Variants in HIPK2 observed in about 807,000 individuals in gnomAD.
HIPK2 encodes the protein homeodomain interacting protein kinase 2.
A neutral mutation model predicts 113.7 loss-of-function variants in HIPK2; 27 were observed. That is an observed-to-expected ratio of 0.24 (90% CI 0.17 to 0.33). The LOEUF is 0.33. Ranked by LOEUF, HIPK2 falls within the 10% of genes least tolerant of loss-of-function variation. The probability of loss-of-function intolerance (pLI) is 1.00; values close to 1 mark genes in which losing one functional copy is unlikely to be tolerated. For synonymous variants in HIPK2, 631 were observed against 642.2 expected (o/e 0.98, Z 0.26); for missense variants, 1,257 against 1,588.0 (o/e 0.79, Z 3.54).
At chr7:139,745,411 C>G (rs970533851) in intron 1 of HIPK2, among the ~76,000 whole-genome samples, 12 of 152,150 alleles carry the variant, frequency 7.9e-5, no homozygotes, top group African/African-American at 2.9e-4. Flanking sequence ...CTATCCTCCC[C>G]CCGAGTCTAA....
chr7:139,600,551 C>G lies in HIPK2; in HGVS notation c.2301G>C (p.Gln767His). 1 of 1,614,020 alleles carries G rather than the reference C, an allele frequency of 6.2e-7. No homozygotes were observed. The highest frequency in any genetic ancestry group is 1.7e-5 in the Admixed American group (1 of 60,024). ...HGSHYNPIMQ[Q>H]PALLTGHVTL... is the part of the protein sequence containing the mutation. ...TCACATGACCGGTCAATAGTGCAGG[C>G]TGCTGCATGATGGGATTATAATGGC... Residue 767 changes from glutamine to histidine, a missense_variant, in exon 11 of 15, where the codon CAG becomes CAC. By Grantham distance (24) the Gln-to-His change is conservative. Transcript: ENST00000406875.
chr7:139,586,400 G>A (rs1057496859), intron 12 of HIPK2, among the ~76,000 whole-genome samples: 4 of 152,104 alleles, frequency 2.6e-5, no homozygotes, highest in Admixed American at 6.5e-5. Context: ...AGGTAGAAAC[G>A]ACCCGAGTGT....
chr7:139,596,841 T>G lies in HIPK2; in HGVS notation c.2593A>C (p.Ser865Arg), dbSNP rs1404021743. Residue 865 changes from serine (S) to arginine (R), a missense_variant, in exon 12 of 15, where the codon AGC (serine) becomes CGC (arginine). Physicochemically the swap from Ser to Arg is moderately radical, Grantham distance 110. Around this residue, in one of 5 missense-constraint regions of HIPK2, gnomAD observed 862 missense variants for 1,004.3 expected, o/e 0.86. Transcript: ENST00000406875. ...TGCCGCTGCCGTTCCCGGGTGGTGC[T>G]GGAGGCCACGTCGCCCCACCCACAG... ...VTCGWGDVAS[S>R]TTRERQRQTI... 1 of 1,613,948 alleles carries G rather than the reference T, an allele frequency of 6.2e-7. No homozygotes were observed. The highest frequency in any genetic ancestry group is 8.5e-7 in the Non-Finnish European group (1 of 1,179,876).
intron 2 of HIPK2, among the ~76,000 whole-genome samples, chr7:139,697,436 G>A (rs1308070892): frequency 6.6e-5 from 10 of 152,174 alleles, no homozygotes; most frequent in Non-Finnish European, 1.0e-4. Flanking sequence ...CTATGGCGAC[G>A]ACACAAACAC....
rs1000505812 is a variant in HIPK2, at chr7:139,564,871, C to T, written c.*8056G>A. ...GTGACTGTTTTGATAGCTTAGAAGG[C>T]TAACAGCATTTTACAGTAGCTAAAA... On this transcript the variant is annotated 3_prime_UTR_variant, in exon 15 of 15. Transcript: ENST00000406875. 4.6e-5 allele frequency: 7 copies of T among 152,154 alleles called. No homozygotes were observed. Among genetic ancestry groups the T allele is most frequent in the African/African-American group, 1.7e-4 (7 of 41,430 alleles). The allele number at this position is 152,154 out of a possible 1,614,324, so 9.4% of individuals were successfully genotyped here.
In HIPK2 at chr7:139,771,087, C is replaced by A. The variant is rs1444407855; in HGVS notation, c.19+6518G>T. 2.6e-5 allele frequency among the ~76,000 whole-genome samples: 4 copies of A among 152,230 alleles called. No individual in the cohort carries two copies. The South Asian group carries it at 8.3e-4, about 32-fold the overall frequency. ...AGAGGGAGGACTACCCTCTGAAAGT[C>A]TGACTTGTAACCACTCTCATAAACA... On this transcript the variant is annotated intron_variant, in intron 1 of 14. Transcript: ENST00000406875.
At chr7:139,627,301 T>TGTAA (rs1198743465) in intron 5 of HIPK2, among the ~76,000 whole-genome samples, 6 of 147,842 alleles carry the variant, frequency 4.1e-5, no homozygotes, top group Non-Finnish European at 7.4e-5. Flanking sequence ...AAAAAGTCTA[T>TGTAA]GTATGTATGT....
At chr7:139,765,095 C>A (rs1205102477) in intron 1 of HIPK2, among the ~76,000 whole-genome samples, 1 of 150,768 alleles carries the variant, frequency 6.6e-6, no homozygotes, top group Non-Finnish European at 1.5e-5. Flanking sequence ...GAGATCATGC[C>A]ACTACACTCC....
At chr7:139,614,979 A>G (rs1799984225) in intron 7 of HIPK2, among the ~76,000 whole-genome samples, 1 of 152,152 alleles carries the variant, frequency 6.6e-6, no homozygotes, top group Non-Finnish European at 1.5e-5. Context: ...CTCTCTGCCC[A>G]AGCCCCATTC....
chr7:139,656,398 C>A (rs868258594), intron 2 of HIPK2, among the ~76,000 whole-genome samples: 1 of 152,190 alleles, frequency 6.6e-6, no homozygotes, highest in African/African-American at 2.4e-5. Flanking sequence ...TTGCTTATCA[C>A]GTTTACCTTT....
rs757508058 is a variant in HIPK2 at position 139,715,985 on chromosome 7, G to A, written c.1050C>T (p.Ala350=). Residue 350 remains alanine, a synonymous_variant, in exon 2 of 15, where the codon GCC becomes GCT. Transcript: ENST00000406875. The part of the protein sequence containing the change: ...YRVKVIDFGS[A]SHVSKAVCST... The stretch of plus-strand genomic sequence containing the variant: ...AGCACACAGCCTTGGAGACGTGGCT[G>A]GCTGAACCAAAGTCGATGACCTTGA... 1.2e-6 allele frequency: 2 copies of A among 1,614,144 alleles called. No homozygotes were observed. Among genetic ancestry groups the A allele is most frequent in the Non-Finnish European group, 1.7e-6 (2 of 1,180,024 alleles).
intron 1 of HIPK2, among the ~76,000 whole-genome samples, chr7:139,773,462 G>A (rs1482954617): frequency 1.3e-5 from 2 of 152,056 alleles, no homozygotes; most frequent in Admixed American, 6.5e-5. Context: ...CAAAGTCCTT[G>A]AATTGTCATC....
intron 1 of HIPK2, among the ~76,000 whole-genome samples, chr7:139,748,930 C>T (rs561800924): frequency 2.0e-4 from 31 of 152,268 alleles, no homozygotes; most frequent in Middle Eastern, 3.4e-3. Context: ...CAGCTGGTGA[C>T]CCCAGGCAGA....
intron 9 of HIPK2, among the ~76,000 whole-genome samples, chr7:139,607,649 A>G (rs1194016424): frequency 6.6e-6 from 1 of 152,178 alleles, no homozygotes; most frequent in African/African-American, 2.4e-5. Flanking sequence ...ACAGTATATT[A>G]TAAGGCTCAA....
At chr7:139,691,252 G>A (rs919822539) in intron 2 of HIPK2, among the ~76,000 whole-genome samples, 1 of 152,158 alleles carries the variant, frequency 6.6e-6, no homozygotes, top group Non-Finnish European at 1.5e-5. Flanking sequence ...AGTTTCGATT[G>A]TGCAAACATC....
intron 2 of HIPK2, among the ~76,000 whole-genome samples, chr7:139,643,034 C>A (rs1026136014): frequency 6.6e-6 from 1 of 152,154 alleles, no homozygotes; most frequent in African/African-American, 2.4e-5. Context: ...ACCACTGTTG[C>A]AGAGATTTTC....
intron 2 of HIPK2, among the ~76,000 whole-genome samples, chr7:139,654,485 C>G (rs1443351727): frequency 6.6e-6 from 1 of 152,106 alleles, no homozygotes. Context: ...TGCACTCCAC[C>G]CTGGACGACA....
intron 11 of HIPK2, 56 bp downstream of exon 11, chr7:139,600,360 CT>C: frequency 6.4e-7 from 1 of 1,569,390 alleles, no homozygotes. Context: ...AACTACATTT[CT>C]TTAGCACTCA....
At chr7:139,722,075 T>A (rs1795426889) in intron 1 of HIPK2, 1 of 461,608 alleles carries the variant, frequency 2.2e-6, no homozygotes, top group African/African-American at 2.0e-5. Context: ...ATGCATGGGG[T>A]TCTTACATGC....
Sources: allele counts gnomAD v4.1 joint callset (sites outside exome capture counted in the v4.1 genomes callset), GRCh38; gene constraint gnomAD v4.1.1; regional missense constraint gnomAD v4.1.1; transcripts MANE v1.5; gene names NCBI Gene and HGNC (gene_info 2026-07-23, HGNC 2026-07-21).